ZNF618: variants seen among roughly 807,000 people sequenced by gnomAD.
ZNF618 encodes the protein neural precursor cell expressed, developmentally down-regulated 10.
A neutral mutation model predicts 103.0 loss-of-function variants in ZNF618; 34 were observed. The observed-to-expected ratio is 0.33, with a 90% CI of 0.25 to 0.44. ZNF618 has a LOEUF of 0.44. Ranked by LOEUF, ZNF618 falls within the 20% of genes least tolerant of loss-of-function variation. The probability of loss-of-function intolerance (pLI) is 1.00; values close to 1 mark genes in which losing one functional copy is unlikely to be tolerated. For synonymous variants in ZNF618, 551 were observed against 542.2 expected (o/e 1.02, Z -0.23); for missense variants, 1,059 against 1,295.4 (o/e 0.82, Z 2.80).
intron 12 of ZNF618, among the ~76,000 whole-genome samples, chr9:114,034,487 C>G: frequency 6.6e-6 from 1 of 152,182 alleles, no homozygotes; most frequent in East Asian, 1.9e-4. Context: ...TTACTGTGTG[C>G]CTGGCATGTG....
At chr9:114,001,019 A>G (rs1443732961) in intron 4 of ZNF618, among the ~76,000 whole-genome samples, 1 of 152,140 alleles carries the variant, frequency 6.6e-6, no homozygotes, top group Non-Finnish European at 1.5e-5. Flanking sequence ...CTCCCTGGCT[A>G]TTCTGTTAGG....
intron 1 of ZNF618, among the ~76,000 whole-genome samples, chr9:113,903,175 A>C (rs117360024): frequency 6.6e-6 from 1 of 152,294 alleles, no homozygotes; most frequent in East Asian, 1.9e-4. Context: ...TTGGTTTTTC[A>C]ATTTTTAACT....
At chr9:113,951,548 C>CACACAT (rs372067030) in intron 1 of ZNF618, among the ~76,000 whole-genome samples, 1 of 59,608 alleles carries the variant, frequency 1.7e-5, no homozygotes, top group Non-Finnish European at 3.4e-5. Context: ...CATATGTACA[C>CACACAT]ATATGTGTGT....
chr9:114,031,836 C>G (rs2134238334), intron 11 of ZNF618, among the ~76,000 whole-genome samples: 1 of 151,990 alleles, frequency 6.6e-6, no homozygotes, highest in East Asian at 1.9e-4. Flanking sequence ...CGGCATCCCC[C>G]TCATGCCTAG....
intron 1 of ZNF618, among the ~76,000 whole-genome samples, chr9:113,923,108 G>C (rs1029592819): frequency 6.6e-6 from 1 of 152,038 alleles, no homozygotes; most frequent in African/African-American, 2.4e-5. Context: ...GTTCTTCATT[G>C]CTGGGATATG....
chr9:114,036,918 A>G (rs1279352887), intron 13 of ZNF618, among the ~76,000 whole-genome samples: 3 of 152,190 alleles, frequency 2.0e-5, no homozygotes. Flanking sequence ...TCTAGGCTCC[A>G]TTGTGAATTT....
chr9:114,045,779 A>ATTG (rs984153425), intron 13 of ZNF618, among the ~76,000 whole-genome samples: 23 of 151,910 alleles, frequency 1.5e-4, no homozygotes, highest in Admixed American at 3.3e-4. Flanking sequence ...TTTGATAAGG[A>ATTG]TTGTGTTTAA....
At chr9:113,989,042 G>A (rs1839769173) in intron 3 of ZNF618, among the ~76,000 whole-genome samples, 4 of 152,214 alleles carry the variant, frequency 2.6e-5, no homozygotes. Context: ...CCTGGGCCAG[G>A]CCCAGAGGAG....
chr9:113,919,213 G>C (rs1358537060), intron 1 of ZNF618, among the ~76,000 whole-genome samples: 1 of 152,142 alleles, frequency 6.6e-6, no homozygotes, highest in Non-Finnish European at 1.5e-5. Context: ...GCAGAGCCTG[G>C]ACCTGCTTGT....
At chr9:113,946,326 G>T (rs1017747554) in intron 1 of ZNF618, among the ~76,000 whole-genome samples, 1 of 151,206 alleles carries the variant, frequency 6.6e-6, no homozygotes, top group Admixed American at 6.6e-5. Context: ...CTAGCCCAAG[G>T]TCACATAGCA....
intron 1 of ZNF618, among the ~76,000 whole-genome samples, chr9:113,914,135 T>C (rs1467107834): frequency 6.6e-6 from 1 of 152,174 alleles, no homozygotes; most frequent in Non-Finnish European, 1.5e-5. Flanking sequence ...CACTGAGTTA[T>C]TACCCCAGGA....
At chr9:113,953,819 G>C (rs1394780107) in intron 1 of ZNF618, among the ~76,000 whole-genome samples, 1 of 142,086 alleles carries the variant, frequency 7.0e-6, no homozygotes, top group East Asian at 2.1e-4. Context: ...GGAATCCAGA[G>C]GCACAGCCCC....
intron 1 of ZNF618, among the ~76,000 whole-genome samples, chr9:113,891,395 A>G (rs1829607474): frequency 6.6e-6 from 1 of 152,206 alleles, no homozygotes; most frequent in South Asian, 2.1e-4. Context: ...ATATGAAGAG[A>G]TGCCCAACAT....
At chr9:114,032,100 C>T (rs1388471238) in intron 11 of ZNF618, among the ~76,000 whole-genome samples, 1 of 152,186 alleles carries the variant, frequency 6.6e-6, no homozygotes, top group African/African-American at 2.4e-5. Flanking sequence ...CCAGACTTTG[C>T]CTGGGTTTGG....
In ZNF618 at chr9:114,003,850, G is replaced by A. The variant is rs542328083; in HGVS notation, c.550+1188G>A. ...TTTTCTGCAGAGGGCCAGATGGTAA[G>A]TATTTTAGACTTTATAGCCCAGACG... On this transcript the variant is annotated intron_variant, in intron 6 of 14. Transcript: ENST00000374126. 5.1e-4 allele frequency among the ~76,000 whole-genome samples: 78 copies of A among 152,316 alleles called. 1 individual carries two copies. The highest frequency in any genetic ancestry group is 5.0e-3 in the Admixed American group (77 of 15,302).
intron 9 of ZNF618, among the ~76,000 whole-genome samples, chr9:114,015,569 C>T (rs770828943): frequency 4.6e-5 from 7 of 152,208 alleles, no homozygotes; most frequent in Non-Finnish European, 1.0e-4. Flanking sequence ...CTTAAAAATA[C>T]ATACCCTTTC....
At chr9:114,005,905 C>A (rs1247514656) in intron 6 of ZNF618, among the ~76,000 whole-genome samples, 1 of 152,226 alleles carries the variant, frequency 6.6e-6, no homozygotes, top group Admixed American at 6.5e-5. Flanking sequence ...GAAGCAGGAC[C>A]AGCCTCTCCT....
chr9:113,895,580 C>T (rs1475165533), intron 1 of ZNF618, among the ~76,000 whole-genome samples: 1 of 151,926 alleles, frequency 6.6e-6, no homozygotes, highest in African/African-American at 2.4e-5. Context: ...GAAAGCTTTC[C>T]AGTGATCTGA....
intron 1 of ZNF618, among the ~76,000 whole-genome samples, chr9:113,890,583 G>T (rs769304471): frequency 6.6e-6 from 1 of 152,208 alleles, no homozygotes; most frequent in Non-Finnish European, 1.5e-5. Context: ...CATCTTTTTC[G>T]TACAGCTTCT....
Sources: allele counts gnomAD v4.1 joint callset (sites outside exome capture counted in the v4.1 genomes callset), GRCh38; gene constraint gnomAD v4.1.1; transcripts MANE v1.5; gene names NCBI Gene and HGNC (gene_info 2026-07-23, HGNC 2026-07-21).